The following DPYD variants were observed in gnomAD, a reference collection of about 807,000 sequenced individuals.
DPYD encodes the protein dihydropyrimidine dehydrogenase [NADP(+)].
Under a neutral mutation model 116.2 loss-of-function variants are expected in DPYD, and 109 were observed. The observed-to-expected ratio is 0.94, with a 90% CI of 0.80 to 1.10. The LOEUF (loss-of-function observed/expected upper bound fraction) is 1.10. DPYD is among the 50% of genes least tolerant of loss of function. The pLI is 0.00. For missense variants in DPYD, 1,302 were observed against 1,254.5 expected, an observed-to-expected ratio of 1.04 and a Z score of -0.57; for synonymous variants, 440 against 432.0, an observed-to-expected ratio of 1.02 and a Z score of -0.23.
intron 10 of DPYD, among the ~76,000 whole-genome samples, chr1:97,591,755 G>T (rs1449837822): frequency 2.6e-5 from 4 of 152,056 alleles, no homozygotes; most frequent in African/African-American, 9.7e-5. Flanking sequence ...AAAATGTTTA[G>T]TTCAAAACCT....
chr1:97,810,016 G>T (rs1441497313), intron 3 of DPYD, among the ~76,000 whole-genome samples: 4 of 152,052 alleles, frequency 2.6e-5, no homozygotes. Context: ...GCCGGGCGTG[G>T]TGGCTCATGC....
intron 5 of DPYD, among the ~76,000 whole-genome samples, chr1:97,711,125 T>A (rs1481816304): frequency 6.6e-6 from 1 of 151,860 alleles, no homozygotes; most frequent in Non-Finnish European, 1.5e-5. Context: ...TCTTCGACTT[T>A]AGGTATGATT....
At chr1:97,293,297 T>C (rs1217478142) in intron 18 of DPYD, among the ~76,000 whole-genome samples, 1 of 152,176 alleles carries the variant, frequency 6.6e-6, no homozygotes, top group Non-Finnish European at 1.5e-5. Context: ...AAAAGCTTAA[T>C]GGAATAAATT....
At chr1:97,700,415 G>C (rs980636114) in intron 5 of DPYD, 7 of 377,050 alleles carry the variant, frequency 1.9e-5, no homozygotes, top group Admixed American at 3.5e-5. Flanking sequence ...AAACTGGAGT[G>C]ACTAAATAAG....
intron 3 of DPYD, among the ~76,000 whole-genome samples, chr1:97,747,071 T>C (rs1035766578): frequency 6.6e-6 from 1 of 151,992 alleles, no homozygotes; most frequent in Non-Finnish European, 1.5e-5. Flanking sequence ...TAGAAATTTA[T>C]TTATGGAGCA....
intron 16 of DPYD, among the ~76,000 whole-genome samples, chr1:97,332,761 GA>G: frequency 6.6e-6 from 1 of 152,232 alleles, no homozygotes; most frequent in East Asian, 1.9e-4. Context: ...TGGATACATT[GA>G]AAAACACAAA....
At chr1:97,505,350 T>C (rs1188376974) in intron 13 of DPYD, among the ~76,000 whole-genome samples, 2 of 151,956 alleles carry the variant, frequency 1.3e-5, no homozygotes, top group Non-Finnish European at 1.5e-5. Flanking sequence ...CATGAGACAT[T>C]ATGCTGCATC....
chr1:97,215,954 G>T (rs1425181215), intron 19 of DPYD, among the ~76,000 whole-genome samples: 1 of 152,278 alleles, frequency 6.6e-6, no homozygotes, highest in East Asian at 1.9e-4. Context: ...TGCGGTAATT[G>T]CAAATTAATG....
At chr1:97,219,555 T>G (rs1660649335) in intron 19 of DPYD, among the ~76,000 whole-genome samples, 1 of 152,178 alleles carries the variant, frequency 6.6e-6, no homozygotes, top group African/African-American at 2.4e-5. Flanking sequence ...TTTTGGGGCC[T>G]GTCACCCTTG....
intron 13 of DPYD, among the ~76,000 whole-genome samples, chr1:97,513,844 A>G (rs914633856): frequency 6.6e-6 from 1 of 151,874 alleles, no homozygotes; most frequent in Admixed American, 6.6e-5. Flanking sequence ...GGAAACAAAA[A>G]AAGTAGACCT....
chr1:97,207,595 C>A (rs1368882868), intron 19 of DPYD, among the ~76,000 whole-genome samples: 1 of 152,052 alleles, frequency 6.6e-6, no homozygotes, highest in Non-Finnish European at 1.5e-5. Flanking sequence ...TAATTAAGAA[C>A]CCTATAAAAG....
At chr1:97,797,220 C>T (rs1301427324) in intron 3 of DPYD, 1 of 152,108 alleles carries the variant, frequency 6.6e-6, no homozygotes, top group African/African-American at 2.4e-5. Flanking sequence ...GGAAGCCATA[C>T]AAACACATAT....
chr1:97,407,411 T>C (rs1361048176), intron 14 of DPYD, among the ~76,000 whole-genome samples: 1 of 152,214 alleles, frequency 6.6e-6, no homozygotes, highest in African/African-American at 2.4e-5. Flanking sequence ...GCATGTTTAA[T>C]GCATGTTCAA....
chr1:97,797,164 T>G (rs1667613174), intron 3 of DPYD: 1 of 152,174 alleles, frequency 6.6e-6, no homozygotes, highest in Non-Finnish European at 1.5e-5. Context: ...TACATTTATC[T>G]TGCTTTCTTT....
chr1:97,220,233 C>A (rs1660692570), intron 19 of DPYD, among the ~76,000 whole-genome samples: 3 of 151,934 alleles, frequency 2.0e-5, no homozygotes, highest in African/African-American at 7.3e-5. Context: ...GGATTCATGG[C>A]TTTATACGAA....
chr1:97,769,444 T>C (rs1435264331), intron 3 of DPYD, among the ~76,000 whole-genome samples: 1 of 152,168 alleles, frequency 6.6e-6, no homozygotes, highest in African/African-American at 2.4e-5. Context: ...GGAAAACATT[T>C]GCCATTATAT....
intron 11 of DPYD, 40 bp downstream of exon 11, chr1:97,573,720 C>G (rs748537685): frequency 6.2e-7 from 1 of 1,611,470 alleles, no homozygotes; most frequent in Non-Finnish European, 8.5e-7. Context: ...ACTAAAATAA[C>G]AGACAATTGC....
intron 19 of DPYD, among the ~76,000 whole-genome samples, chr1:97,229,714 C>A (rs970914184): frequency 7.3e-5 from 11 of 151,720 alleles, no homozygotes; most frequent in Non-Finnish European, 1.5e-5. Flanking sequence ...GATTAGATTG[C>A]CAGCTCTCTG....
At chr1:97,679,776 G>T (rs1330671151) in intron 7 of DPYD, among the ~76,000 whole-genome samples, 1 of 152,072 alleles carries the variant, frequency 6.6e-6, no homozygotes, top group East Asian at 1.9e-4. Flanking sequence ...ACAATGCTTG[G>T]TCAGTTCCCA....
Sources: gnomAD v4.1 joint callset for allele counts (sites outside exome capture counted in the v4.1 genomes callset) on GRCh38, gnomAD v4.1.1 for gene constraint, MANE v1.5 for transcripts, NCBI Gene and HGNC (gene_info 2026-07-23, HGNC 2026-07-21) for gene names.